BSX: variants seen among roughly 807,000 people sequenced by gnomAD.
BSX encodes the protein brain specific homeobox, also known as brain-specific homeobox protein homolog.
Under a neutral mutation model 16.9 loss-of-function variants are expected in BSX, and 12 were observed. The observed-to-expected ratio is 0.71, with a 90% CI of 0.46 to 1.15. BSX has a LOEUF of 1.15. Among genes scored for constraint, BSX ranks in the 50% most tolerant of loss-of-function variants. The pLI is 0.00. For missense variants in BSX, 292 were observed against 311.8 expected (o/e 0.94, Z 0.48); for synonymous variants, 160 against 136.4 (o/e 1.17, Z -1.20).
chr11:122,980,349 C>T (rs1465371517), intron 1 of BSX, among the ~76,000 whole-genome samples: 1 of 152,184 alleles, frequency 6.6e-6, no homozygotes, highest in African/African-American at 2.4e-5. Flanking sequence ...AGTGCGGGTA[C>T]TTAGGGCTTT....
At chr11:122,979,557 C>T in intron 1 of BSX, 100 bp from the exon 2 acceptor site, 1 of 978,576 alleles carries the variant, frequency 1.0e-6, no homozygotes, top group Non-Finnish European at 1.5e-6. Context: ...TGCCTTCCTC[C>T]GCCCCTCGCC....
In BSX at chr11:122,977,810, C is replaced by G; in HGVS notation, c.541G>C (p.Gly181Arg). 3 of 1,613,990 alleles carry G rather than the reference C, an allele frequency of 1.9e-6. No individual in the cohort carries two copies. Among genetic ancestry groups the G allele is most frequent in the African/African-American group, 2.7e-5 (2 of 75,034 alleles). Residue 181 changes from glycine to arginine, a missense_variant, in exon 3 of 3, where the codon GGG becomes CGG. Gly to Arg is a moderately radical substitution (Grantham distance 125). Transcript: ENST00000343035. The surrounding 1 kb of genome is among the most constrained non-coding windows in gnomAD (Gnocchi z 4.5). Reference protein sequence around the residue: ...KSQDEPKAPDGPESPEGSPRG... With the variant: ...KSQDEPKAPDRPESPEGSPRG... ...GGGCTGCCCTCGGGGCTTTCTGGCC[C>G]GTCTGGTGCTTTGGGTTCGTCTTGG... is the stretch of plus-strand genomic sequence containing the variant.
intron 2 of BSX, 102 bp downstream of exon 2, chr11:122,979,159 G>T (rs1048115460): frequency 9.0e-7 from 1 of 1,107,840 alleles, no homozygotes; most frequent in Admixed American, 2.3e-5. Context: ...AGCGTCAGCG[G>T]GGTCTATTTC....
At chr11:122,980,964 T>C (rs1185593802) in intron 1 of BSX, among the ~76,000 whole-genome samples, 1 of 152,134 alleles carries the variant, frequency 6.6e-6, no homozygotes, top group Non-Finnish European at 1.5e-5. Context: ...AAAAGAGATC[T>C]GGCCTGGACA....
rs1256767953 is a variant in BSX at position 122,981,709 on chromosome 11, C to G, written c.-38G>C. 2 of 1,546,420 alleles carry G rather than the reference C, an allele frequency of 1.3e-6. No homozygotes were observed. Among genetic ancestry groups the G allele is most frequent in the Non-Finnish European group, 8.7e-7 (1 of 1,147,730 alleles). On this transcript the variant is annotated 5_prime_UTR_variant, in exon 1 of 3. Transcript: ENST00000343035. ...ACCTGCCACAGGACAAGGGCCGGGACGAAGTGGAGGACGCAGGCAGAGTCT... is the reference window on the plus strand; with the variant it reads ...ACCTGCCACAGGACAAGGGCCGGGAGGAAGTGGAGGACGCAGGCAGAGTCT...
rs1467958276 is a variant in BSX at position 122,977,716 on chromosome 11, G to A, written c.635C>T (p.Thr212Ile). 5 of 1,613,176 alleles carry A rather than the reference G, an allele frequency of 3.1e-6. No individual in the cohort carries two copies. The highest frequency in any genetic ancestry group is 3.3e-4 in the Middle Eastern group (2 of 5,986). Residue 212 changes from threonine to isoleucine, a missense_variant, in exon 3 of 3, where the codon ACC becomes ATC. By Grantham distance (89) the Thr-to-Ile change is moderately conservative. This residue lies in a region of BSX where 107 missense variants were observed against 97.1 expected (regional missense o/e 1.10). Transcript: ENST00000343035. This position sits in a 1 kb window ranked among gnomAD's most constrained non-coding sequence, Gnocchi z 4.5. ...LSLPAGPFVL[T>I]EPEDEVDIGD... ...AATGTCCACCTCGTCCTCTGGCTCG[G>A]TCAGCACGAAGGGACCGGCGGGCAG... is the stretch of plus-strand genomic sequence containing the variant.
In BSX at chr11:122,977,711, G is replaced by C. The variant is rs755527912; in HGVS notation, c.640C>G (p.Pro214Ala). 2 of 1,612,920 alleles carry C rather than the reference G, an allele frequency of 1.2e-6. No homozygotes were observed. Among genetic ancestry groups the C allele is most frequent in the South Asian group, 2.2e-5 (2 of 91,060 alleles). ...LPAGPFVLTEPEDEVDIGDEG... is the reference protein window; with the variant it reads ...LPAGPFVLTEAEDEVDIGDEG... ...TCTCCAATGTCCACCTCGTCCTCTG[G>C]CTCGGTCAGCACGAAGGGACCGGCG... Residue 214 changes from proline to alanine, a missense_variant, in exon 3 of 3, where the codon CCA (proline) becomes GCA (alanine). Pro to Ala is a conservative substitution (Grantham distance 27). Around this residue, in one of 3 missense-constraint regions of BSX, gnomAD observed 107 missense variants for 97.1 expected, o/e 1.10. Coordinates refer to ENST00000343035, the MANE Select transcript of BSX (RefSeq NM_001098169.2). This position sits in a 1 kb window ranked among gnomAD's most constrained non-coding sequence, Gnocchi z 4.5.
intron 1 of BSX, 80 bp from the exon 2 acceptor site, chr11:122,979,537 T>G: frequency 1.6e-6 from 2 of 1,227,392 alleles, no homozygotes; most frequent in Non-Finnish European, 2.2e-6. Flanking sequence ...TCCCCTCCCC[T>G]AGCCCCCAGT....
chr11:122,981,685 C>T lies in BSX; in HGVS notation c.-14G>A, dbSNP rs146442681. The T allele has an allele frequency of 8.5e-5, 133 of 1,573,770 alleles. 1 individual carries two copies. The East Asian group carries it at 3.0e-3, about 36-fold the overall frequency. On this transcript the variant is annotated 5_prime_UTR_variant, in exon 1 of 3. The change creates a new upstream start codon in the 5' untranslated region. Transcript: ENST00000343035. ...GTTGAGATTCATCTTGAGCGGAGCA[C>T]CTGCCACAGGACAAGGGCCGGGACG...
At position 122,981,606 on chromosome 11, in the gene BSX, G is replaced by A. The variant is rs562185738; in HGVS notation, c.66C>T (p.Ile22=). 7 of 1,598,146 alleles carry A rather than the reference G, an allele frequency of 4.4e-6. No individual in the cohort carries two copies. Among genetic ancestry groups the A allele is most frequent in the African/African-American group, 4.0e-5 (3 of 74,586 alleles). Reference sequence around the variant, plus strand: ...TGGGCTTGTGCAGCAGGATGTCCTCGATGAAGAAGGATGTGGGCCTCTGAG... The same window carrying A: ...TGGGCTTGTGCAGCAGGATGTCCTCAATGAAGAAGGATGTGGGCCTCTGAG... ...ASSQRPTSFF[I]EDILLHKPKP... The change falls in exon 1 of 3, where the codon ATC becomes ATT. Residue 22 remains isoleucine (I), a synonymous_variant. Coordinates refer to ENST00000343035, the MANE Select transcript of BSX (RefSeq NM_001098169.2).
In BSX at chr11:122,977,635, C is replaced by T. The variant is rs1864512319; in HGVS notation, c.*14G>A. 1.2e-6 allele frequency: 2 copies of T among 1,603,702 alleles called. No homozygotes were observed. Among genetic ancestry groups the T allele is most frequent in the African/African-American group, 2.7e-5 (2 of 74,826 alleles). On this transcript the variant is annotated 3_prime_UTR_variant, in exon 3 of 3. Transcript: ENST00000343035. The surrounding 1 kb of genome is among the most constrained non-coding windows in gnomAD (Gnocchi z 4.5). ...GTCTCCTCCCCTGCCTACTACCCTCCCCAGCCTGGCGGCTCAGAGCACGTG... is the reference window on the plus strand; with the variant it reads ...GTCTCCTCCCCTGCCTACTACCCTCTCCAGCCTGGCGGCTCAGAGCACGTG...
Position 122,977,699 on chromosome 11 carries a change from C to T in BSX, c.652G>A (p.Val218Met). ...AGCTCCCCCTCGTCTCCAATGTCCA[C>T]CTCGTCCTCTGGCTCGGTCAGCACG... is the stretch of plus-strand genomic sequence containing the variant. ...PFVLTEPEDE[V>M]DIGDEGELGS... The change falls in exon 3 of 3, where the codon GTG (valine) becomes ATG (methionine). Residue 218 changes from valine (V) to methionine (M), a missense_variant. Val to Met is a conservative substitution (Grantham distance 21). Around this residue, in one of 3 missense-constraint regions of BSX, gnomAD observed 107 missense variants for 97.1 expected, o/e 1.10. Coordinates refer to ENST00000343035, the MANE Select transcript of BSX (RefSeq NM_001098169.2). This position sits in a 1 kb window ranked among gnomAD's most constrained non-coding sequence, Gnocchi z 4.5. 1 of 1,612,700 alleles carries T rather than the reference C, an allele frequency of 6.2e-7. No homozygotes were observed. Among genetic ancestry groups the T allele is most frequent in the Non-Finnish European group, 8.5e-7 (1 of 1,179,830 alleles).
chr11:122,979,497 C>T (rs1179504102), intron 1 of BSX, 40 bp from the exon 2 acceptor site: 1 of 1,555,194 alleles, frequency 6.4e-7, no homozygotes, highest in Non-Finnish European at 8.7e-7. Context: ...GAGCGTGGGT[C>T]GCCGGAGAGC....
At chr11:122,978,004 A>G (rs1864519593) in intron 2 of BSX, 113 bp from the exon 3 acceptor site, 6 of 1,270,334 alleles carry the variant, frequency 4.7e-6, no homozygotes. Flanking sequence ...GAGCGGTGAT[A>G]GCCTCAACTG....
At chr11:122,978,416 C>A (rs1255609866) in intron 2 of BSX, among the ~76,000 whole-genome samples, 1 of 152,122 alleles carries the variant, frequency 6.6e-6, no homozygotes, top group East Asian at 1.9e-4. Context: ...AGATAAAAAC[C>A]TTTCTTCCAC....
At chr11:122,980,185 G>A (rs1395198028) in intron 1 of BSX, among the ~76,000 whole-genome samples, 2 of 152,134 alleles carry the variant, frequency 1.3e-5, no homozygotes, top group East Asian at 3.9e-4. Context: ...CGAAGCAGAA[G>A]GGTTTGAGGG....
intron 1 of BSX, among the ~76,000 whole-genome samples, chr11:122,979,685 A>G (rs1328266063): frequency 3.3e-5 from 5 of 152,066 alleles, no homozygotes; most frequent in African/African-American, 9.7e-5. Flanking sequence ...CTGGAAAGTC[A>G]TCTAGAAATA....
In BSX at chr11:122,979,192, G is replaced by A. The variant is rs1006528269; in HGVS notation, c.459+69C>T. 6 of 1,403,460 alleles carry A rather than the reference G, an allele frequency of 4.3e-6. No individual in the cohort carries two copies. In the African/African-American group the frequency reaches 7.1e-5, roughly 17 times the overall value. The allele number at this position is 1,403,460 out of a possible 1,614,324, so 86.9% of individuals were successfully genotyped here. The stretch of plus-strand genomic sequence containing the variant: ...TTCTACTCGAACTCCACAAGGTCCC[G>A]AAGGTATTAAGACTTGAAGGCAGAG... On this transcript the variant is annotated intron_variant, in intron 2 of 2. Transcript: ENST00000343035.
intron 1 of BSX, among the ~76,000 whole-genome samples, chr11:122,981,148 A>G (rs903075423): frequency 6.6e-6 from 1 of 152,082 alleles, no homozygotes; most frequent in East Asian, 1.9e-4. Context: ...GTCAAACCCT[A>G]TACGCTGCCT....
Sources: allele counts gnomAD v4.1 joint callset (sites outside exome capture counted in the v4.1 genomes callset), GRCh38; gene constraint gnomAD v4.1.1; regional missense constraint gnomAD v4.1.1; non-coding constraint Gnocchi (gnomAD v3.1); transcripts MANE v1.5; gene names NCBI Gene and HGNC (gene_info 2026-07-23, HGNC 2026-07-21).